Variants in PKD1L3 observed in about 807,000 individuals in gnomAD.
The protein encoded by PKD1L3 is polycystin-1-like protein 3.
PKD1L3 carries 239 observed loss-of-function variants against 184.1 expected under a neutral mutation model. The observed-to-expected ratio is 1.30, with a 90% CI of 1.17 to 1.45. The LOEUF (loss-of-function observed/expected upper bound fraction) is 1.45. PKD1L3 is among the 40% of genes most tolerant of loss of function. The probability of loss-of-function intolerance (pLI) is 0.00; values close to 1 mark genes in which losing one functional copy is unlikely to be tolerated. For missense variants in PKD1L3, 2,660 were observed against 2,067.2 expected (o/e 1.29, Z -5.56); for synonymous variants, 996 against 778.8 (o/e 1.28, Z -4.64).
chr16:71,988,505 A>T (rs923713919), intron 4 of PKD1L3, among the ~76,000 whole-genome samples: 3 of 152,220 alleles, frequency 2.0e-5, no homozygotes, highest in Non-Finnish European at 4.4e-5. Context: ...AGCAAACGTG[A>T]AAGTTCAGAT....
chr16:71,977,209 A>G, intron 11 of PKD1L3, 27 bp downstream of exon 11: 2 of 1,455,510 alleles, frequency 1.4e-6, no homozygotes, highest in East Asian at 2.5e-5. Flanking sequence ...AATCAAAGTA[A>G]GTTTCTGACA....
At chr16:71,951,156 C>T (rs929797270) in intron 19 of PKD1L3, among the ~76,000 whole-genome samples, 8 of 152,106 alleles carry the variant, frequency 5.3e-5, no homozygotes, top group Admixed American at 2.6e-4. Flanking sequence ...TCTCCTGCCT[C>T]AGCCTCCCCC....
At chr16:71,983,805 A>T (rs938199092) in intron 6 of PKD1L3, among the ~76,000 whole-genome samples, 2 of 151,012 alleles carry the variant, frequency 1.3e-5, no homozygotes, top group East Asian at 3.9e-4. Context: ...CTGAGATTAC[A>T]GGTGCCCGCC....
chr16:71,935,551 T>A, intron 25 of PKD1L3, 33 bp from the exon 26 acceptor site: 1 of 1,544,306 alleles, frequency 6.5e-7, no homozygotes, highest in Non-Finnish European at 8.8e-7. Flanking sequence ...CTGTTGCTTG[T>A]CTGAGAGATT....
At chr16:71,956,935 T>C (rs2039072247) in intron 16 of PKD1L3, among the ~76,000 whole-genome samples, 4 of 152,194 alleles carry the variant, frequency 2.6e-5, no homozygotes, top group Admixed American at 2.0e-4. Context: ...AGAATCTATA[T>C]GATGGACACA....
At chr16:71,937,740 G>T (rs953255459) in intron 24 of PKD1L3, among the ~76,000 whole-genome samples, 8 of 152,150 alleles carry the variant, frequency 5.3e-5, no homozygotes, top group South Asian at 2.1e-4. Context: ...GCAGAGAGAG[G>T]TCTAAAGCAC....
In PKD1L3 at chr16:71,986,242, T is replaced by C; in HGVS notation, c.813A>G (p.Ser271=). The C allele has an allele frequency of 6.4e-7, 1 of 1,552,378 alleles. No individual in the cohort carries two copies. Among genetic ancestry groups the C allele is most frequent in the East Asian group, 2.4e-5 (1 of 40,924 alleles). ...PNTFTSYLQV[S]LQKASGQVID... is the part of the protein sequence containing the mutation. ...TTACCTGACCAGATGCCTTCTGCAA[T>C]GACACTTGTAGATAAGAGGTGAAGG... The change falls in exon 5 of 30, where the codon TCA becomes TCG. Residue 271 remains serine (S), a synonymous_variant. Transcript: ENST00000620267.
chr16:71,945,301 T>TATATATATAC (rs2038541056), intron 22 of PKD1L3, among the ~76,000 whole-genome samples: 1 of 55,690 alleles, frequency 1.8e-5, no homozygotes, highest in African/African-American at 7.4e-5. Flanking sequence ...TATATATATA[T>TATATATATAC]ATATACACAC....
chr16:71,978,383 T>C lies in PKD1L3; in HGVS notation c.1399A>G (p.Ile467Val). The change falls in exon 10 of 30, where the codon ATA becomes GTA. Residue 467 changes from isoleucine (I) to valine (V), a missense_variant and splice_region_variant. Physicochemically the swap from Ile to Val is conservative, Grantham distance 29. Coordinates refer to ENST00000620267, the MANE Select transcript of PKD1L3 (RefSeq NM_181536.2). ...AAGGGATTGAAAGCTAGTCCTGTTATCTAAAGACAAAGAGAAGCCCAGTTT... is the reference window on the plus strand; with the variant it reads ...AAGGGATTGAAAGCTAGTCCTGTTACCTAAAGACAAAGAGAAGCCCAGTTT... The part of the protein sequence containing the change: ...LNKHPGVNVQ[I>V]TGLAFNPFKD... The C allele has an allele frequency of 2.6e-6, 4 of 1,547,652 alleles. No individual in the cohort carries two copies. Among genetic ancestry groups the C allele is most frequent in the Non-Finnish European group, 2.6e-6 (3 of 1,144,564 alleles).
chr16:71,932,645 A>T (rs991899176), intron 28 of PKD1L3, among the ~76,000 whole-genome samples: 22 of 151,070 alleles, frequency 1.5e-4, no homozygotes, highest in Non-Finnish European at 1.0e-4. Flanking sequence ...GGCTAGGCTA[A>T]TTTTTGTGTT....
At position 71,942,747 on chromosome 16, in the gene PKD1L3, G is replaced by A. The variant is rs755724900; in HGVS notation, c.4137C>T (p.Asp1379=). The part of the protein sequence containing the change: ...IPRTKTYEKV[D]EGQLAFCDNG... ...TATCACAAAACGCCAGCTGACCTTC[G>A]TCCACTTTCTCATAGGTCTTGGTAC... The change falls in exon 24 of 30, where the codon GAC becomes GAT. Residue 1379 remains aspartate, a synonymous_variant. Coordinates refer to ENST00000620267, the MANE Select transcript of PKD1L3 (RefSeq NM_181536.2). 404 of 1,551,510 alleles carry A rather than the reference G, an allele frequency of 2.6e-4. No homozygotes were observed. Among genetic ancestry groups the A allele is most frequent in the Non-Finnish European group, 3.1e-4 (358 of 1,146,994 alleles).
chr16:71,956,184 AT>A (rs35268514), intron 16 of PKD1L3, among the ~76,000 whole-genome samples: 153 of 82,750 alleles, frequency 1.8e-3, no homozygotes, highest in Non-Finnish European at 2.5e-3. Context: ...AAAGGAAGGA[AT>A]TTTTTTTTTT....
At chr16:71,985,562 G>A (rs2040325739) in intron 5 of PKD1L3, among the ~76,000 whole-genome samples, 1 of 152,042 alleles carries the variant, frequency 6.6e-6, no homozygotes, top group Non-Finnish European at 1.5e-5. Context: ...CCCCCAAGTA[G>A]CTGGGACTAC....
intron 22 of PKD1L3, among the ~76,000 whole-genome samples, chr16:71,945,325 TATACAC>T (rs1310089249): frequency 0.025 from 1,715 of 67,530 alleles, 22 homozygotes; most frequent in East Asian, 0.081. Context: ...CACACACATA[TATACAC>T]ACACACACAC....
At chr16:71,979,235 G>C (rs564769812) in intron 9 of PKD1L3, among the ~76,000 whole-genome samples, 13 of 152,244 alleles carry the variant, frequency 8.5e-5, no homozygotes, top group African/African-American at 3.1e-4. Context: ...CTTGAGGTCC[G>C]TAGTTTGAGA....
In PKD1L3 at chr16:71,963,224, T is replaced by C. The variant is rs111283191; in HGVS notation, c.2593A>G (p.Arg865Gly). The change falls in exon 16 of 30, where the codon AGA becomes GGA. Residue 865 changes from arginine (R) to glycine (G), a missense_variant. By Grantham distance (125) the Arg-to-Gly change is moderately radical (BLOSUM62 -2). Coordinates refer to ENST00000620267, the MANE Select transcript of PKD1L3 (RefSeq NM_181536.2). ...CAGTACCTAAAGGAAAAGAGCTCTC[T>C]CTTTGAAACTGGGATGAAGACCCGG... ...LDRVFIPVSKRELFSFRHLFS... is the reference protein window; with the variant it reads ...LDRVFIPVSKGELFSFRHLFS... 3.1e-5 allele frequency: 48 copies of C among 1,550,298 alleles called. 1 individual carries two copies. The highest frequency in any genetic ancestry group is 2.9e-4 in the African/African-American group (21 of 73,132).
intron 11 of PKD1L3, among the ~76,000 whole-genome samples, chr16:71,974,737 T>C (rs1417687358): frequency 6.6e-6 from 1 of 152,124 alleles, no homozygotes; most frequent in East Asian, 1.9e-4. Flanking sequence ...AAGGGCCCGT[T>C]GGTAATTTCC....
intron 7 of PKD1L3, among the ~76,000 whole-genome samples, 169 bp from the exon 8 acceptor site, chr16:71,980,303 A>G (rs1320634829): frequency 6.6e-6 from 1 of 152,156 alleles, no homozygotes; most frequent in Non-Finnish European, 1.5e-5. Context: ...CAACCTGGCT[A>G]AAGACTTAGC....
At chr16:71,964,309 C>CTTTTTTTTTTT (rs772995457) in intron 15 of PKD1L3, among the ~76,000 whole-genome samples, 3 of 56,592 alleles carry the variant, frequency 5.3e-5, no homozygotes, top group African/African-American at 2.2e-4. Context: ...TCGTCAAAAT[C>CTTTTTTTTTTT]TTTTTTTTTT....
Sources: allele counts gnomAD v4.1 joint callset (sites outside exome capture counted in the v4.1 genomes callset), GRCh38; gene constraint gnomAD v4.1.1; transcripts MANE v1.5; gene names NCBI Gene and HGNC (gene_info 2026-07-23, HGNC 2026-07-21).